The following CCDC120 variants were observed in gnomAD, a reference collection of about 807,000 sequenced individuals.
CCDC120 encodes the protein coiled-coil domain containing 120, also known as coiled-coil domain-containing protein 120.
A neutral mutation model predicts 37.6 loss-of-function variants in CCDC120; 16 were observed. That is an observed-to-expected ratio of 0.43 (90% CI 0.29 to 0.65). The LOEUF (loss-of-function observed/expected upper bound fraction) is 0.65. CCDC120 is among the 30% of genes least tolerant of loss of function. CCDC120 has a pLI of 0.18. For synonymous variants in CCDC120, 309 were observed against 275.4 expected, an observed-to-expected ratio of 1.12 and a Z score of -1.21; for missense variants, 650 against 657.4, an observed-to-expected ratio of 0.99 and a Z score of 0.12.
rs1186829463 is a variant in CCDC120 at position 49,062,493 on chromosome X, C to G, written c.180C>G (p.Pro60=). 4 of 1,210,661 alleles carry G rather than the reference C, an allele frequency of 3.3e-6. No individual in the cohort carries two copies. The highest frequency in any genetic ancestry group is 3.4e-6 in the Non-Finnish European group (3 of 895,376). The part of the protein sequence containing the change: ...APAALFGEAA[P]QVKSERLRGL... ...CTGCCCTGTTCGGAGAGGCTGCCCCCCAGGTGAAGTCAGAGCGTCTGCGGG... is the reference window on the plus strand; with the variant it reads ...CTGCCCTGTTCGGAGAGGCTGCCCCGCAGGTGAAGTCAGAGCGTCTGCGGG... The change falls in exon 4 of 11, where the codon CCC becomes CCG. Residue 60 remains proline (P), a synonymous_variant. Transcript: ENST00000603986.
At chrX:49,059,882 C>T (rs2064864515) in intron 1 of CCDC120, among the ~76,000 whole-genome samples, 1 of 111,376 alleles carries the variant, frequency 9.0e-6, no homozygotes, top group African/African-American at 3.3e-5. Context: ...TTGCTGGGAT[C>T]CCTTTCTCGC....
rs147886009 is a variant in CCDC120, at chrX:49,067,616, C to T, written c.1502C>T (p.Pro501Leu). 1,113 of 1,184,937 alleles carry T rather than the reference C, an allele frequency of 9.4e-4. 1 individual carries two copies. Among genetic ancestry groups the T allele is most frequent in the Non-Finnish European group, 1.1e-3 (964 of 880,663 alleles). ...GGTGGAACAGGCTGGGGGGAGCTGC[C>T]GCCTGCAGCTGAGGTCCCAGGACCC... ...SGGGTGWGEL[P>L]PAAEVPGPLS... The change falls in exon 10 of 11, where the codon CCG becomes CTG. Residue 501 changes from proline to leucine, a missense_variant. Pro to Leu is a moderately conservative substitution (Grantham distance 98, BLOSUM62 -3). This residue lies in a region of CCDC120 where 576 missense variants were observed against 565.3 expected (regional missense o/e 1.02). Transcript: ENST00000603986.
At position 49,067,684 on chromosome X, in the gene CCDC120, C is replaced by T; in HGVS notation, c.1570C>T (p.Pro524Ser). Residue 524 changes from proline (P) to serine (S), a missense_variant, in exon 10 of 11, where the codon CCA becomes TCA. Around this residue, in one of 3 missense-constraint regions of CCDC120, gnomAD observed 576 missense variants for 565.3 expected, o/e 1.02. Coordinates refer to ENST00000603986, the MANE Select transcript of CCDC120 (RefSeq NM_001163321.4). The stretch of plus-strand genomic sequence containing the variant: ...GCTCCTCACCATGCTCCCCGGCCCA[C>T]CACCTGTGTATGCAGCTGACAGCAA... Reference protein sequence around the residue: ...DGLLTMLPGPPPVYAADSNSP... With the variant: ...DGLLTMLPGPSPVYAADSNSP... The T allele has an allele frequency of 1.7e-6, 2 of 1,203,560 alleles. No homozygotes were observed.
chrX:49,065,950 C>T (rs1207652350), intron 9 of CCDC120, 105 bp downstream of exon 9: 24 of 773,362 alleles, frequency 3.1e-5, no homozygotes, highest in East Asian at 1.1e-4. Context: ...TGGCTGGGCG[C>T]GGTGGCTCAC....
At chrX:49,061,608 T>G (rs1557079456) in intron 1 of CCDC120, among the ~76,000 whole-genome samples, 5 of 111,378 alleles carry the variant, frequency 4.5e-5, no homozygotes, top group Non-Finnish European at 9.4e-5. Flanking sequence ...GGGGCTGGGG[T>G]GGTGAGAGGT....
chrX:49,065,710 T>C lies in CCDC120; in HGVS notation c.963-37T>C. ...GGCTGGCAGAGGGTCTGCTGGTGGG[T>C]ACAGTCTCTAACCTAGGCCTGCCTG... On this transcript the variant is annotated intron_variant, in intron 8 of 10. Coordinates refer to ENST00000603986, the MANE Select transcript of CCDC120 (RefSeq NM_001163321.4). 2.5e-6 allele frequency: 3 copies of C among 1,180,219 alleles called. No homozygotes were observed. In the South Asian group the frequency reaches 5.6e-5, roughly 22 times the overall value.
At chrX:49,056,141 C>G (rs782718229), upstream of CCDC120, among the ~76,000 whole-genome samples, 2 of 111,409 alleles carry the variant, frequency 1.8e-5, no homozygotes, top group Admixed American at 9.6e-5. Context: ...TCAGTTCTTG[C>G]ATTTGGATGG....
Position 49,067,286 on chromosome X carries a change from G to A in CCDC120, c.1172G>A (p.Arg391His), listed in dbSNP as rs782019146. 9.9e-6 allele frequency: 12 copies of A among 1,209,451 alleles called. No individual in the cohort carries two copies. The Admixed American group carries it at 2.2e-4, about 22-fold the overall frequency. ...GCCTCCCTCTTCGTAGCTCGCACCC[G>A]CCGCAGCAACAGTTCTGAGGCCCTG... The part of the protein sequence containing the change: ...DRASLFVART[R>H]RSNSSEALLV... Residue 391 changes from arginine to histidine, a missense_variant, in exon 10 of 11, where the codon CGC (arginine) becomes CAC (histidine). Arg to His is a conservative substitution (Grantham distance 29, BLOSUM62 0). Coordinates refer to ENST00000603986, the MANE Select transcript of CCDC120 (RefSeq NM_001163321.4).
rs1557081462 is a variant in CCDC120 at position 49,067,222 on chromosome X, C to T, written c.1108C>T (p.Gln370Ter). The T allele has an allele frequency of 8.3e-7, 1 of 1,211,695 alleles. No individual in the cohort carries two copies. The highest frequency in any genetic ancestry group is 1.1e-6 in the Non-Finnish European group (1 of 895,480). Reference sequence around the variant, plus strand: ...TCAGTGGTCCGGCAGCCAGGACTCCCAGATGGGCTTCCCCCGGGCGGACCC... The same window carrying T: ...TCAGTGGTCCGGCAGCCAGGACTCCTAGATGGGCTTCCCCCGGGCGGACCC... Reference protein sequence around the residue: ...SRQWSGSQDSQMGFPRADPAS... With the variant: ...SRQWSGSQDS Residue 370 changes from glutamine (Q) to a stop codon, truncating the protein, a stop_gained, in exon 10 of 11, where the codon CAG (glutamine) becomes TAG (stop). Coordinates refer to ENST00000603986, the MANE Select transcript of CCDC120 (RefSeq NM_001163321.4). LOFTEE classifies it high-confidence loss of function.
chrX:49,067,207 G>A lies in CCDC120; in HGVS notation c.1093G>A (p.Gly365Ser), dbSNP rs781861147. 8 of 1,209,151 alleles carry A rather than the reference G, an allele frequency of 6.6e-6. No individual in the cohort carries two copies. The East Asian group carries it at 1.2e-4, about 18-fold the overall frequency. The change falls in exon 10 of 11, where the codon GGC becomes AGC. Residue 365 changes from glycine (G) to serine (S), a missense_variant. By Grantham distance (56) the Gly-to-Ser change is moderately conservative. Around this residue, in one of 3 missense-constraint regions of CCDC120, gnomAD observed 576 missense variants for 565.3 expected, o/e 1.02. Transcript: ENST00000603986. ...AGGCCTTCATTCTCGTCAGTGGTCC[G>A]GCAGCCAGGACTCCCAGATGGGCTT... Reference protein sequence around the residue: ...PEGLHSRQWSGSQDSQMGFPR... With the variant: ...PEGLHSRQWSSSQDSQMGFPR...
At chrX:49,059,638 G>A (rs903533827) in intron 1 of CCDC120, among the ~76,000 whole-genome samples, 13 of 112,525 alleles carry the variant, frequency 1.2e-4, no homozygotes, top group Non-Finnish European at 1.9e-4. Flanking sequence ...CAACTGTTGG[G>A]GTGCCACCCA....
In CCDC120 at chrX:49,067,744, C is replaced by A; in HGVS notation, c.1630C>A (p.Arg544Ser). 1 of 1,195,162 alleles carries A rather than the reference C, an allele frequency of 8.4e-7. No individual in the cohort carries two copies. Among genetic ancestry groups the A allele is most frequent in the Non-Finnish European group, 1.1e-6 (1 of 883,926 alleles). The part of the protein sequence containing the change: ...PLLRTKDPHT[R>S]ATRTKPCGLP... ...CCTCCGCACCAAGGACCCCCACACC[C>A]GTGCCACCCGCACTAAGCCCTGTGG... Residue 544 changes from arginine to serine, a missense_variant, in exon 10 of 11, where the codon CGT (arginine) becomes AGT (serine). Transcript: ENST00000603986.
intron 5 of CCDC120, 110 bp from the exon 6 acceptor site, chrX:49,064,260 G>A (rs997611296): frequency 6.7e-6 from 6 of 892,638 alleles, no homozygotes; most frequent in Non-Finnish European, 9.1e-6. Context: ...CCCCTCCCCG[G>A]GGTGAATAGG....
At chrX:49,062,388 G>A in intron 3 of CCDC120, 63 bp downstream of exon 3, 1 of 1,208,371 alleles carries the variant, frequency 8.3e-7, no homozygotes, top group Non-Finnish European at 1.1e-6. Flanking sequence ...CTGCTTGCTC[G>A]GGAAGAGTTG....
Position 49,062,158 on chromosome X carries a change from A to G in CCDC120, c.63+54A>G, listed in dbSNP as rs1557079619. On this transcript the variant is annotated intron_variant, in intron 2 of 10. Coordinates refer to ENST00000603986, the MANE Select transcript of CCDC120 (RefSeq NM_001163321.4). ...GTTACCCCTTATTCCCCGCTGTGGCATGGGAAGCTGGGAAGGGCTGGGGGT... is the reference window on the plus strand; with the variant it reads ...GTTACCCCTTATTCCCCGCTGTGGCGTGGGAAGCTGGGAAGGGCTGGGGGT... The G allele has an allele frequency of 3.4e-6, 4 of 1,168,789 alleles. No individual in the cohort carries two copies. In the South Asian group the frequency reaches 7.5e-5, roughly 22 times the overall value.
upstream of CCDC120, among the ~76,000 whole-genome samples, chrX:49,056,845 A>G (rs782228058): frequency 2.2e-3 from 245 of 111,599 alleles, 1 homozygote; most frequent in African/African-American, 7.7e-3. Context: ...GACAGCCAAC[A>G]TACACTGAGC....
chrX:49,065,388 C>A, intron 7 of CCDC120, 66 bp from the exon 8 acceptor site: 1 of 1,091,872 alleles, frequency 9.2e-7, no homozygotes, highest in Non-Finnish European at 1.2e-6. Context: ...CCTTGCCCCC[C>A]AGCCTGTCCT....
In CCDC120 at chrX:49,065,028, A is replaced by G; in HGVS notation, c.725-8A>G. ...TGAGAGGCCCACTTCTCCCCCTCTC[A>G]CCTGTAGAGGACGTAGTTCTGCACT... On this transcript the variant is annotated splice_region_variant and splice_polypyrimidine_tract_variant and intron_variant, in intron 6 of 10. Coordinates refer to ENST00000603986, the MANE Select transcript of CCDC120 (RefSeq NM_001163321.4). 1 of 1,209,519 alleles carries G rather than the reference A, an allele frequency of 8.3e-7. No individual in the cohort carries two copies. The highest frequency in any genetic ancestry group is 1.1e-6 in the Non-Finnish European group (1 of 894,055).
chrX:49,059,851 G>C (rs1415225531), intron 1 of CCDC120, among the ~76,000 whole-genome samples: 1 of 110,880 alleles, frequency 9.0e-6, no homozygotes, highest in Non-Finnish European at 1.9e-5. Flanking sequence ...GGGTTGGTGT[G>C]GGGGTGTGCT....
Sources: allele counts gnomAD v4.1 joint callset (sites outside exome capture counted in the v4.1 genomes callset), GRCh38; gene constraint gnomAD v4.1.1; regional missense constraint gnomAD v4.1.1; transcripts MANE v1.5; gene names NCBI Gene and HGNC (gene_info 2026-07-23, HGNC 2026-07-21).